Variants in TNK2 observed in about 807,000 individuals in gnomAD.
The protein encoded by TNK2 is activated CDC42 kinase 1.
Under a neutral mutation model 101.8 loss-of-function variants are expected in TNK2, and 83 were observed. The ratio of observed to expected loss-of-function variants is 0.82; its 90% CI spans 0.68 to 0.98. TNK2 has a LOEUF of 0.98. Among genes scored for constraint, TNK2 ranks in the 50% least tolerant of loss-of-function variants. The pLI, the probability that TNK2 is intolerant of heterozygous loss-of-function variation, is 0.00. For synonymous variants in TNK2, 804 were observed against 633.0 expected (o/e 1.27, Z -4.06); for missense variants, 1,665 against 1,483.2 (o/e 1.12, Z -2.01).
In TNK2 at chr3:195,868,503, GC is replaced by G; in HGVS notation, c.1794del (p.Cys600AlafsTer131). 1.9e-6 allele frequency: 3 copies of G among 1,553,190 alleles called. No individual in the cohort carries two copies. Among genetic ancestry groups the G allele is most frequent in the Non-Finnish European group, 2.6e-6 (3 of 1,159,202 alleles). On this transcript the variant is annotated frameshift_variant, in exon 13 of 16. Coordinates refer to ENST00000672887, the MANE Select transcript of TNK2 (RefSeq NM_001382273.1). LOFTEE classifies it high-confidence loss of function. ...FGEEPVVPAL[R>X]PCAPSLAQLA... ...AGCTGCGCCAGGGAGGGCGCGCAGG[GC>G]CGTAGGGCCGGGACCACGGGCTCCT...
intron 6 of TNK2, among the ~76,000 whole-genome samples, chr3:195,881,696 G>T (rs1362219362): frequency 9.2e-5 from 3 of 32,466 alleles, no homozygotes; most frequent in Non-Finnish European, 1.6e-4. Flanking sequence ...ACACCCCCCC[G>T]CCAGCAATGC....
chr3:195,892,790 G>A (rs866998595), intron 1 of TNK2: 12 of 1,061,310 alleles, frequency 1.1e-5, no homozygotes, highest in East Asian at 4.4e-5. Flanking sequence ...CCAACTGCCC[G>A]CCCGGCCGCC....
In TNK2 at chr3:195,888,330, CAG is replaced by C. The variant is rs1757013145; in HGVS notation, c.163+94_163+95del. 1 of 1,369,634 alleles carries C rather than the reference CAG, an allele frequency of 7.3e-7. No homozygotes were observed. 84.8% of individuals were successfully genotyped at this position (1,369,634 alleles called of 1,614,324 possible). A position where few individuals can be genotyped will look rare whatever the true frequency, so the allele number is the denominator to read the frequency against. On this transcript the variant is annotated intron_variant, in intron 2 of 15. Transcript: ENST00000672887. This position sits in a 1 kb window ranked among gnomAD's most constrained non-coding sequence, Gnocchi z 5.3. ...CTCCTGCTCCCTCAGGGCTCTGGGA[CAG>C]AGTTCTCAGCTGCCACCCGTGCACC...
rs1348318163 is a variant in TNK2, at chr3:195,886,287, T to G, written c.234+690A>C. 1 of 152,460 alleles carries G rather than the reference T, an allele frequency of 6.6e-6. No individual in the cohort carries two copies. Among genetic ancestry groups the G allele is most frequent in the East Asian group, 1.9e-4 (1 of 5,188 alleles). The allele number at this position is 152,460 out of a possible 1,614,324, so 9.4% of individuals were successfully genotyped here. On this transcript the variant is annotated intron_variant, in intron 3 of 15. Coordinates refer to ENST00000672887, the MANE Select transcript of TNK2 (RefSeq NM_001382273.1). The surrounding 1 kb of genome is among the most constrained non-coding windows in gnomAD (Gnocchi z 4.2). Reference sequence around the variant, plus strand: ...CCAAAGGATCCCAAGAGACAGCCCCTTTGCCGGATTGCAGCCAGGAAAATC... The same window carrying G: ...CCAAAGGATCCCAAGAGACAGCCCCGTTGCCGGATTGCAGCCAGGAAAATC...
chr3:195,906,624 C>T (rs1183205534), intron 1 of TNK2, among the ~76,000 whole-genome samples: 2 of 150,922 alleles, frequency 1.3e-5, no homozygotes, highest in African/African-American at 4.9e-5. Context: ...CACAAGAAAA[C>T]TTCTGGGGAC....
At chr3:195,890,486 A>G (rs1174385412) in intron 1 of TNK2, among the ~76,000 whole-genome samples, 4 of 138,092 alleles carry the variant, frequency 2.9e-5, no homozygotes. Context: ...AGACAGAGTG[A>G]GACTCCCAGG....
chr3:195,878,279 AT>A lies in TNK2; in HGVS notation c.1229del (p.Asn410MetfsTer34), dbSNP rs765565337. On this transcript the variant is annotated frameshift_variant, in exon 9 of 16. Transcript: ENST00000672887. LOFTEE classifies it high-confidence loss of function. This position sits in a 1 kb window ranked among gnomAD's most constrained non-coding sequence, Gnocchi z 4.7. ...EEPDKLHIQMNDVITVIEGRA... is the reference protein window; with the variant it reads ...EEPDKLHIQMXDVITVIEGRA... ...TTCCCTCGATGACGGTGATGACATCATTCATCTGGATGTGCAGCTTGTCCGG... is the reference window on the plus strand; with the variant it reads ...TTCCCTCGATGACGGTGATGACATCATCATCTGGATGTGCAGCTTGTCCGG... 6.2e-7 allele frequency: 1 copy of A among 1,614,128 alleles called. No individual in the cohort carries two copies. Among genetic ancestry groups the A allele is most frequent in the Admixed American group, 1.7e-5 (1 of 60,028 alleles).
intron 1 of TNK2, chr3:195,895,300 G>A (rs1163722603): frequency 6.4e-7 from 1 of 1,573,544 alleles, no homozygotes; most frequent in South Asian, 1.2e-5. Context: ...TCTCCCCCAT[G>A]GAGCCCCAAA....
chr3:195,892,049 C>T (rs1345997410), intron 1 of TNK2: 10 of 1,024,908 alleles, frequency 9.8e-6, no homozygotes, highest in Admixed American at 5.4e-5. Flanking sequence ...AGGGTGACTC[C>T]GCAGGGGTCC....
chr3:195,881,683 A>T (rs140110931), intron 6 of TNK2, among the ~76,000 whole-genome samples: 1 of 50,976 alleles, frequency 2.0e-5, no homozygotes, highest in African/African-American at 8.0e-5. Flanking sequence ...ATTTATCCCT[A>T]TAACACCCCC....
At chr3:195,898,117 T>C (rs954480356) in intron 1 of TNK2, among the ~76,000 whole-genome samples, 3 of 151,906 alleles carry the variant, frequency 2.0e-5, no homozygotes, top group Admixed American at 6.6e-5. Flanking sequence ...TGTATCCCGC[T>C]GAAAACATCA....
intron 6 of TNK2, chr3:195,879,399 G>T: frequency 2.0e-6 from 1 of 510,970 alleles, no homozygotes; most frequent in Non-Finnish European, 3.3e-6. Flanking sequence ...CTTGCAGCCT[G>T]GTGGGGGAAG....
intron 6 of TNK2, among the ~76,000 whole-genome samples, chr3:195,881,744 AC>A (rs1753194095): frequency 1.7e-5 from 1 of 59,682 alleles, no homozygotes; most frequent in Non-Finnish European, 3.3e-5. Flanking sequence ...CTGAAACACG[AC>A]CCCCAACAAT....
At chr3:195,872,618 A>G in intron 9 of TNK2, 148 bp from the exon 10 acceptor site, 2 of 795,446 alleles carry the variant, frequency 2.5e-6, no homozygotes, top group Non-Finnish European at 3.9e-6. Context: ...CTCCTCCCCA[A>G]CAGCCCCCGT....
chr3:195,877,284 G>A (rs1749939303), intron 9 of TNK2, among the ~76,000 whole-genome samples: 1 of 152,110 alleles, frequency 6.6e-6, no homozygotes, highest in African/African-American at 2.4e-5. Context: ...CAGACCCTGG[G>A]CCCAAGGGTG....
intron 1 of TNK2, among the ~76,000 whole-genome samples, chr3:195,902,832 C>T (rs1318729241): frequency 1.3e-5 from 2 of 151,938 alleles, no homozygotes; most frequent in African/African-American, 4.8e-5. Context: ...TCGCTGCAAC[C>T]TCCACCTCCT....
intron 4 of TNK2, 90 bp from the exon 5 acceptor site, chr3:195,883,399 G>A (rs781270159): frequency 4.5e-4 from 676 of 1,497,398 alleles, no homozygotes; most frequent in Middle Eastern, 1.0e-3. Flanking sequence ...TCGGCTCAAC[G>A]ATCCCTGCCT....
chr3:195,903,320 G>A (rs1044811846), intron 1 of TNK2, among the ~76,000 whole-genome samples: 3 of 151,974 alleles, frequency 2.0e-5, no homozygotes, highest in Non-Finnish European at 4.4e-5. Flanking sequence ...GATTACAGGC[G>A]TGAGCCACCG....
Position 195,868,626 on chromosome 3 carries a change from G to A in TNK2, c.1672C>T (p.Pro558Ser). 3 of 1,592,030 alleles carry A rather than the reference G, an allele frequency of 1.9e-6. No individual in the cohort carries two copies. The highest frequency in any genetic ancestry group is 1.7e-6 in the Non-Finnish European group (2 of 1,177,120). ...KRLGLRKPGL[P>S]RGLWLAKPSA... ...GGCTTCGCCAGCCACAGCCCTCGGG[G>A]CAGGCCTGGCTTCCGCAGGCCCAGC... Residue 558 changes from proline to serine, a missense_variant, in exon 13 of 16, where the codon CCC becomes TCC. By Grantham distance (74) the Pro-to-Ser change is moderately conservative. Transcript: ENST00000672887.
Sources: gnomAD v4.1 joint callset for allele counts (sites outside exome capture counted in the v4.1 genomes callset) on GRCh38, gnomAD v4.1.1 for gene constraint, Gnocchi (gnomAD v3.1) non-coding constraint, MANE v1.5 for transcripts, NCBI Gene and HGNC (gene_info 2026-07-23, HGNC 2026-07-21) for gene names.